Variants in DDX42 observed in about 807,000 individuals in gnomAD.
The protein encoded by DDX42 is DEAD-box helicase 42.
Under a neutral mutation model 101.5 loss-of-function variants are expected in DDX42, and 22 were observed. That is an observed-to-expected ratio of 0.22 (90% confidence interval 0.15 to 0.31). DDX42 has a LOEUF of 0.31. Among genes scored for constraint, DDX42 ranks in the 10% least tolerant of loss-of-function variants. DDX42 has a pLI of 1.00. For synonymous variants in DDX42, 402 were observed against 401.2 expected (o/e 1.00, Z -0.02); for missense variants, 849 against 1,199.9 (o/e 0.71, Z 4.32).
chr17:63,818,507 C>T lies in DDX42; in HGVS notation c.*109C>T. 1.0e-6 allele frequency: 1 copy of T among 975,106 alleles called. No homozygotes were observed. The highest frequency in any genetic ancestry group is 3.3e-4 in the Middle Eastern group (1 of 3,022). 60.4% of individuals were successfully genotyped at this position (975,106 alleles called of 1,614,324 possible). On this transcript the variant is annotated 3_prime_UTR_variant, in exon 18 of 18. Transcript: ENST00000389924. Reference sequence around the variant, plus strand: ...GTCCAAAGTGTAAGGACCCCCTGCCCTTAGTGGAGAGCTGGAGCTTGGAGA... The same window carrying T: ...GTCCAAAGTGTAAGGACCCCCTGCCTTTAGTGGAGAGCTGGAGCTTGGAGA...
In DDX42 at chr17:63,817,987, C is replaced by T. The variant is rs2144596084; in HGVS notation, c.2406C>T (p.Gly802=). Residue 802 remains glycine (G), a synonymous_variant, in exon 18 of 18, where the codon GGC becomes GGT. Transcript: ENST00000389924. ...ATAACAGCCGAGAAGGGACTGGGGG[C>T]AGCAACGGGAAAAGAGAGAGATATA... The part of the protein sequence containing the change: ...SGNNSREGTG[G]SNGKRERYTE... 1.2e-6 allele frequency: 2 copies of T among 1,614,102 alleles called. No individual in the cohort carries two copies. Among genetic ancestry groups the T allele is most frequent in the Non-Finnish European group, 1.7e-6 (2 of 1,180,018 alleles).
rs897130811 is a variant in DDX42 at position 63,815,101 on chromosome 17, A to G, written c.1903-462A>G. 2.2e-4 allele frequency among the ~76,000 whole-genome samples: 34 copies of G among 152,204 alleles called. 1 individual carries two copies. Among genetic ancestry groups the G allele is most frequent in the Non-Finnish European group, 2.9e-5 (2 of 68,046 alleles). On this transcript the variant is annotated intron_variant, in intron 15 of 17. Coordinates refer to ENST00000389924, the MANE Select transcript of DDX42 (RefSeq NM_203499.3). ...TTGTGTGGCTACCATCCTTTCTGGGAGTCTGTCCCTATAGTCAGTTCTGAT... is the reference window on the plus strand; with the variant it reads ...TTGTGTGGCTACCATCCTTTCTGGGGGTCTGTCCCTATAGTCAGTTCTGAT...
At chr17:63,801,148 A>G (rs556818889) in intron 6 of DDX42, among the ~76,000 whole-genome samples, 8 of 150,890 alleles carry the variant, frequency 5.3e-5, no homozygotes, top group South Asian at 2.1e-4. Flanking sequence ...TCCTGGGTTC[A>G]AGCAATTCTG....
intron 12 of DDX42, 87 bp from the exon 13 acceptor site, chr17:63,810,989 T>G: frequency 2.8e-6 from 3 of 1,073,418 alleles, no homozygotes; most frequent in African/African-American, 3.2e-5. Context: ...GTAAAAAAAC[T>G]GAATAATCCT....
chr17:63,813,097 T>C, intron 14 of DDX42, 131 bp from the exon 15 acceptor site: 1 of 758,322 alleles, frequency 1.3e-6, no homozygotes, highest in Non-Finnish European at 2.1e-6. Context: ...CATGCCTGTA[T>C]CTCAGCTCAC....
chr17:63,811,257 A>AT (rs1348020445), intron 13 of DDX42, 84 bp downstream of exon 13: 16 of 1,059,596 alleles, frequency 1.5e-5, no homozygotes, highest in Admixed American at 8.0e-5. Context: ...CACTATTGAG[A>AT]TAAAAAAAAA....
Position 63,801,131 on chromosome 17 carries a change from C to T in DDX42, c.621+514C>T, listed in dbSNP as rs147226785. ...GTGGCACAGTCTTGGCTCTCTGCAA[C>T]GCTGACTCCTGGGTTCAAGCAATTC... is the stretch of plus-strand genomic sequence containing the variant. On this transcript the variant is annotated intron_variant, in intron 6 of 17. Transcript: ENST00000389924. 5.5e-3 allele frequency among the ~76,000 whole-genome samples: 838 copies of T among 152,044 alleles called. 11 individuals carry two copies. The highest frequency in any genetic ancestry group is 0.019 in the African/African-American group (791 of 41,452).
At position 63,816,886 on chromosome 17, in the gene DDX42, G is replaced by A. The variant is rs750988378; in HGVS notation, c.2032G>A (p.Val678Ile). The change falls in exon 17 of 18, where the codon GTA becomes ATA. Residue 678 changes from valine (V) to isoleucine (I), a missense_variant. This residue lies in a region of DDX42 where 86 missense variants were observed against 160.8 expected (regional missense o/e 0.53). Transcript: ENST00000389924. The part of the protein sequence containing the change: ...SENMDRGNNN[V>I]MSNYEAYKPS... Reference sequence around the variant, plus strand: ...TTTTTAGGATCGAGGAAATAACAATGTAATGAGCAATTATGAGGCCTACAA... The same window carrying A: ...TTTTTAGGATCGAGGAAATAACAATATAATGAGCAATTATGAGGCCTACAA... 15 of 1,612,822 alleles carry A rather than the reference G, an allele frequency of 9.3e-6. No individual in the cohort carries two copies. The highest frequency in any genetic ancestry group is 1.3e-5 in the African/African-American group (1 of 74,976).
chr17:63,807,985 CTT>C, intron 9 of DDX42, 85 bp downstream of exon 9: 9 of 1,245,800 alleles, frequency 7.2e-6, no homozygotes, highest in Non-Finnish European at 8.6e-6. Context: ...GACCAGGAAA[CTT>C]TTTTTTTTAA....
Position 63,818,488 on chromosome 17 carries a change from A to G in DDX42, c.*90A>G. 1 of 1,232,680 alleles carries G rather than the reference A, an allele frequency of 8.1e-7. No individual in the cohort carries two copies. The highest frequency in any genetic ancestry group is 2.5e-5 in the Admixed American group (1 of 40,648). 76.4% of individuals were successfully genotyped at this position (1,232,680 alleles called of 1,614,324 possible). On this transcript the variant is annotated 3_prime_UTR_variant, in exon 18 of 18. Coordinates refer to ENST00000389924, the MANE Select transcript of DDX42 (RefSeq NM_203499.3). The stretch of plus-strand genomic sequence containing the variant: ...GTCTCAGGGCTGGGTTGGGGTCCAA[A>G]GTGTAAGGACCCCCTGCCCTTAGTG...
intron 6 of DDX42, among the ~76,000 whole-genome samples, chr17:63,801,720 G>T (rs1007990485): frequency 6.6e-6 from 1 of 152,074 alleles, no homozygotes; most frequent in African/African-American, 2.4e-5. Context: ...CTCCCAAAGT[G>T]CTGGGATTAC....
chr17:63,798,088 A>G lies in DDX42; in HGVS notation c.423A>G (p.Arg141=). The stretch of plus-strand genomic sequence containing the variant: ...GGCTTGAAGAAAAGGACAAGGAAAG[A>G]AAAAACGTAAAGTAAGTTGTTTTCT... ...MKRLEEKDKE[R]KNVKGIRDDI... is the part of the protein sequence containing the mutation. The change falls in exon 4 of 18, where the codon AGA becomes AGG. Residue 141 remains arginine (R), a synonymous_variant. Transcript: ENST00000389924. 1.2e-6 allele frequency: 2 copies of G among 1,613,532 alleles called. No individual in the cohort carries two copies. Among genetic ancestry groups the G allele is most frequent in the Non-Finnish European group, 8.5e-7 (1 of 1,179,716 alleles).
intron 15 of DDX42, among the ~76,000 whole-genome samples, chr17:63,813,924 C>T (rs2039943570): frequency 6.6e-6 from 1 of 152,120 alleles, no homozygotes; most frequent in African/African-American, 2.4e-5. Context: ...ACTGCAACCT[C>T]TGCCTCCTGG....
intron 7 of DDX42, 99 bp from the exon 8 acceptor site, chr17:63,806,436 A>G (rs1210429880): frequency 1.1e-5 from 14 of 1,332,130 alleles, no homozygotes; most frequent in Non-Finnish European, 1.4e-5. Flanking sequence ...TTTACTTCAT[A>G]CTCCAGCTAA....
chr17:63,818,351 G>A lies in DDX42; in HGVS notation c.2770G>A (p.Ala924Thr). ...GACAGATAAGACAGCTGACGGCTTT[G>A]CTGTCCCAGAGCCGCCTAAACGCAA... ...SKTDKTADGF[A>T]VPEPPKRKKS... is the part of the protein sequence containing the mutation. Residue 924 changes from alanine (A) to threonine (T), a missense_variant, in exon 18 of 18, where the codon GCT becomes ACT. Around this residue, in one of 5 missense-constraint regions of DDX42, gnomAD observed 300 missense variants for 304.9 expected, o/e 0.98. Coordinates refer to ENST00000389924, the MANE Select transcript of DDX42 (RefSeq NM_203499.3). 1 of 1,614,064 alleles carries A rather than the reference G, an allele frequency of 6.2e-7. No homozygotes were observed. The highest frequency in any genetic ancestry group is 8.5e-7 in the Non-Finnish European group (1 of 1,180,038).
intron 2 of DDX42, among the ~76,000 whole-genome samples, chr17:63,790,354 A>T (rs59222128): frequency 0.017 from 2,539 of 152,134 alleles, 65 homozygotes; most frequent in African/African-American, 0.059. Context: ...GCCAGGCACA[A>T]TCGCTCACGT....
intron 6 of DDX42, among the ~76,000 whole-genome samples, chr17:63,801,264 A>G (rs2039765766): frequency 6.6e-6 from 1 of 152,140 alleles, no homozygotes; most frequent in Admixed American, 6.5e-5. Flanking sequence ...CATGTTGGCC[A>G]GGCTGGTCTT....
chr17:63,790,981 A>G (rs1951724776), intron 2 of DDX42, among the ~76,000 whole-genome samples: 1 of 152,244 alleles, frequency 6.6e-6, no homozygotes, highest in Admixed American at 6.5e-5. Flanking sequence ...TTATTGTTAC[A>G]TATAGTCAGT....
intron 11 of DDX42, among the ~76,000 whole-genome samples, chr17:63,809,935 G>A (rs1567743831): frequency 1.3e-5 from 2 of 152,116 alleles, no homozygotes; most frequent in African/African-American, 2.4e-5. Context: ...GATCATAGAG[G>A]TTAAGGTCTG....
Sources: allele counts gnomAD v4.1 joint callset (sites outside exome capture counted in the v4.1 genomes callset), GRCh38; gene constraint gnomAD v4.1.1; regional missense constraint gnomAD v4.1.1; transcripts MANE v1.5; gene names NCBI Gene and HGNC (gene_info 2026-07-23, HGNC 2026-07-21).